ABCC1: variants seen among roughly 807,000 people sequenced by gnomAD.
ABCC1 encodes multidrug resistance-associated protein 1.
A neutral mutation model predicts 172.9 loss-of-function variants in ABCC1; 83 were observed. That is an observed-to-expected ratio of 0.48 (90% CI 0.40 to 0.58). The LOEUF is 0.58. Among genes scored for constraint, ABCC1 ranks in the 20% least tolerant of loss-of-function variants. ABCC1 has a pLI of 0.00. For missense variants in ABCC1, 1,817 were observed against 2,002.7 expected (o/e 0.91, Z 1.77); for synonymous variants, 937 against 825.2 (o/e 1.14, Z -2.32).
chr16:16,116,343 A>T (rs2044864422), intron 23 of ABCC1, among the ~76,000 whole-genome samples: 1 of 152,194 alleles, frequency 6.6e-6, no homozygotes, highest in East Asian at 1.9e-4. Flanking sequence ...CTACTCCCTT[A>T]TCTGCAGGCA....
chr16:16,072,479 C>T (rs35618), intron 14 of ABCC1, among the ~76,000 whole-genome samples: 4,090 of 145,600 alleles, frequency 0.028, 106 homozygotes, highest in Admixed American at 0.052. Flanking sequence ...GCCAGTTCTC[C>T]TGGCCTTTTT....
intron 1 of ABCC1, among the ~76,000 whole-genome samples, chr16:15,960,908 G>C (rs1450271586): frequency 6.6e-6 from 1 of 152,050 alleles, no homozygotes; most frequent in Admixed American, 6.6e-5. Flanking sequence ...TCCAGGGAAG[G>C]CGCTTACCAG....
At chr16:16,083,786 G>A (rs909321548) in intron 17 of ABCC1, among the ~76,000 whole-genome samples, 6 of 152,152 alleles carry the variant, frequency 3.9e-5, no homozygotes, top group African/African-American at 1.2e-4. Flanking sequence ...TCCAAAGGGG[G>A]GCTCTTCTCA....
At chr16:16,035,052 A>G (rs1372203160) in intron 6 of ABCC1, among the ~76,000 whole-genome samples, 3 of 152,178 alleles carry the variant, frequency 2.0e-5, no homozygotes, top group African/African-American at 4.8e-5. Context: ...TAATTTTTCT[A>G]TAAGTTTGAA....
In ABCC1 at chr16:15,999,806, T is replaced by TCTCTCTCTCTCTCTCTCTCC. The variant is rs2047203384; in HGVS notation, c.49-8007_49-8006insTCTCTCTCTCTCTCTCCCTC. Among the ~76,000 whole-genome samples, 6 of 28,814 alleles carry TCTCTCTCTCTCTCTCTCTCC rather than the reference T, an allele frequency of 2.1e-4. No homozygotes were observed. In the South Asian group the frequency reaches 3.8e-3, roughly 18 times the overall value. The allele number at this position is 28,814 out of a possible 152,430, so 18.9% of individuals were successfully genotyped here. ...CTCTCTCTCTCTCTCTCTCTCTCTC[T>TCTCTCTCTCTCTCTCTCTCC]CTCCTCTCTCTCTCTCTCTCTCTCT... On this transcript the variant is annotated intron_variant, in intron 1 of 30. Coordinates refer to ENST00000399410, the MANE Select transcript of ABCC1 (RefSeq NM_004996.4).
chr16:16,062,457 C>T (rs1162969895), intron 12 of ABCC1, among the ~76,000 whole-genome samples: 1 of 152,166 alleles, frequency 6.6e-6, no homozygotes. Context: ...AGCGATCCTC[C>T]TGCTTCAGCC....
At chr16:16,102,311 C>T (rs541916946) in intron 19 of ABCC1, among the ~76,000 whole-genome samples, 1 of 152,342 alleles carries the variant, frequency 6.6e-6, no homozygotes, top group South Asian at 2.1e-4. Context: ...AGCAGGGCTA[C>T]TGTTTTCTGG....
chr16:16,007,178 TTTG>T (rs1004908516), intron 1 of ABCC1, among the ~76,000 whole-genome samples: 2 of 150,516 alleles, frequency 1.3e-5, no homozygotes, highest in East Asian at 1.9e-4. Flanking sequence ...TACATACCTT[TTTG>T]TTGTTGGTGG....
chr16:16,089,969 T>A (rs904810036), intron 18 of ABCC1, among the ~76,000 whole-genome samples: 1 of 152,038 alleles, frequency 6.6e-6, no homozygotes, highest in Non-Finnish European at 1.5e-5. Flanking sequence ...GTTCCCTCCC[T>A]ACCTCTTGTC....
rs201107642 is a variant in ABCC1, at chr16:16,056,309, C to T, written c.1677+14C>T. The T allele has an allele frequency of 4.1e-4, 659 of 1,613,906 alleles. 11 individuals carry two copies. In the South Asian group the frequency reaches 4.5e-3, roughly 11 times the overall value. ...ACGCCCTTTCTGGTGAGTGAAGCCA[C>T]ATTTTTCCTGGCCCTCATTGTTTGA... On this transcript the variant is annotated intron_variant, in intron 12 of 30. Coordinates refer to ENST00000399410, the MANE Select transcript of ABCC1 (RefSeq NM_004996.4).
intron 1 of ABCC1, among the ~76,000 whole-genome samples, chr16:15,958,297 G>C (rs1463928597): frequency 6.6e-6 from 1 of 151,816 alleles, no homozygotes; most frequent in Non-Finnish European, 1.5e-5. Context: ...GTAGAGATGG[G>C]GTTTCTCCAT....
At chr16:16,022,541 G>A (rs941069306) in intron 5 of ABCC1, among the ~76,000 whole-genome samples, 6 of 152,082 alleles carry the variant, frequency 3.9e-5, no homozygotes, top group Non-Finnish European at 8.8e-5. Flanking sequence ...TGGAATGCTC[G>A]ACATCCCCCG....
chr16:16,080,753 A>G (rs2050774434), intron 16 of ABCC1, among the ~76,000 whole-genome samples: 1 of 152,096 alleles, frequency 6.6e-6, no homozygotes. Context: ...AAATCTATTA[A>G]CTGTTTAACC....
chr16:15,950,655 C>T (rs2045849459), intron 1 of ABCC1, among the ~76,000 whole-genome samples: 1 of 152,198 alleles, frequency 6.6e-6, no homozygotes, highest in African/African-American at 2.4e-5. Flanking sequence ...TCAGCTTCTC[C>T]GTAATGCGAT....
chr16:15,960,275 G>T (rs1006621559), intron 1 of ABCC1, among the ~76,000 whole-genome samples: 1 of 151,934 alleles, frequency 6.6e-6, no homozygotes, highest in Non-Finnish European at 1.5e-5. Context: ...GTAGAGATGG[G>T]GTTTCACTAT....
intron 7 of ABCC1, among the ~76,000 whole-genome samples, chr16:16,043,031 T>G (rs1448359902): frequency 6.6e-6 from 1 of 151,220 alleles, no homozygotes; most frequent in Non-Finnish European, 1.5e-5. Context: ...CTGGCTAATT[T>G]TTTATATTTT....
chr16:16,012,373 C>T (rs1283855157), intron 3 of ABCC1, among the ~76,000 whole-genome samples: 1 of 152,066 alleles, frequency 6.6e-6, no homozygotes, highest in East Asian at 1.9e-4. Context: ...CTGTGCCTGG[C>T]ATGCAGTAAG....
intron 5 of ABCC1, among the ~76,000 whole-genome samples, chr16:16,021,792 G>T (rs1448710004): frequency 6.6e-6 from 1 of 152,170 alleles, no homozygotes; most frequent in East Asian, 1.9e-4. Context: ...TGAGATGGGG[G>T]CAAGGAAGGG....
At chr16:16,131,688 C>T (rs1184579169) in intron 26 of ABCC1, 101 bp from the exon 27 acceptor site, 11 of 1,415,242 alleles carry the variant, frequency 7.8e-6, no homozygotes, top group Non-Finnish European at 1.1e-5. Flanking sequence ...CCTGGGAGGC[C>T]ACCTTGGGCA....
Sources: gnomAD v4.1 joint callset for allele counts (sites outside exome capture counted in the v4.1 genomes callset) on GRCh38, gnomAD v4.1.1 for gene constraint, MANE v1.5 for transcripts, NCBI Gene and HGNC (gene_info 2026-07-23, HGNC 2026-07-21) for gene names.